HNRNPLL: variants seen among roughly 807,000 people sequenced by gnomAD.
HNRNPLL encodes heterogeneous nuclear ribonucleoprotein L-like.
In HNRNPLL, 25 loss-of-function variants were observed where a neutral mutation model predicts 67.1. The ratio of observed to expected loss-of-function variants is 0.37; its 90% CI spans 0.27 to 0.52. HNRNPLL has a LOEUF of 0.52. HNRNPLL is among the 20% of genes least tolerant of loss of function. HNRNPLL has a pLI of 0.90. For synonymous variants in HNRNPLL, 267 were observed against 241.7 expected (o/e 1.10, Z -0.97); for missense variants, 542 against 673.9 (o/e 0.80, Z 2.17).
At chr2:38,588,038 G>A (rs1005641069) in intron 2 of HNRNPLL, among the ~76,000 whole-genome samples, 1 of 151,698 alleles carries the variant, frequency 6.6e-6, no homozygotes, top group Admixed American at 6.6e-5. Flanking sequence ...TTCACCTTTT[G>A]CCATGATTCT....
In HNRNPLL at chr2:38,562,786, A is replaced by G. The variant is rs1426955487; in HGVS notation, c.*1396T>C. ...CACTGCCATCAAAATGAGGGGAAAT[A>G]AATGTTAATGTGTGTTTAGTTTCCA... On this transcript the variant is annotated 3_prime_UTR_variant, in exon 13 of 13. Transcript: ENST00000449105. 1 of 152,098 alleles carries G rather than the reference A, an allele frequency of 6.6e-6. No homozygotes were observed. The highest frequency in any genetic ancestry group is 2.4e-5 in the African/African-American group (1 of 41,456). 9.4% of individuals were successfully genotyped at this position (152,098 alleles called of 1,614,324 possible).
chr2:38,594,514 A>G (rs1343291207), intron 1 of HNRNPLL, among the ~76,000 whole-genome samples: 1 of 152,254 alleles, frequency 6.6e-6, no homozygotes, highest in Non-Finnish European at 1.5e-5. Context: ...ATGTAGAGAA[A>G]AAAACCCTAC....
Position 38,602,730 on chromosome 2 carries a change from C to A in HNRNPLL, c.-104G>T. On this transcript the variant is annotated 5_prime_UTR_variant, in exon 1 of 13. Coordinates refer to ENST00000449105, the MANE Select transcript of HNRNPLL (RefSeq NM_138394.4). ...CTCGCCGCCGGCAGCGCCTCTTCTG[C>A]GAGGGTCTCCGCGGCCCGGCCGTCC... 1.3e-6 allele frequency: 2 copies of A among 1,484,180 alleles called. No individual in the cohort carries two copies. The highest frequency in any genetic ancestry group is 1.5e-5 in the African/African-American group (1 of 68,192). 91.9% of individuals were successfully genotyped at this position (1,484,180 alleles called of 1,614,324 possible). A position where few individuals can be genotyped will look rare whatever the true frequency, so the allele number is the denominator to read the frequency against.
intron 2 of HNRNPLL, 137 bp downstream of exon 2, chr2:38,591,393 C>T: frequency 1.5e-6 from 1 of 650,812 alleles, no homozygotes; most frequent in South Asian, 1.9e-5. Flanking sequence ...GAAATACAGT[C>T]ATAGGCAAAC....
At chr2:38,594,045 G>A (rs1647927148) in intron 1 of HNRNPLL, among the ~76,000 whole-genome samples, 1 of 151,402 alleles carries the variant, frequency 6.6e-6, no homozygotes, top group African/African-American at 2.4e-5. Flanking sequence ...CATGGTGGCA[G>A]GTGCCTGTAG....
At chr2:38,595,723 A>G (rs922794804) in intron 1 of HNRNPLL, among the ~76,000 whole-genome samples, 31 of 152,210 alleles carry the variant, frequency 2.0e-4, no homozygotes, top group South Asian at 4.1e-4. Flanking sequence ...GGGCACCTGT[A>G]GTCCCAGCTA....
chr2:38,581,540 C>G (rs1021461202), intron 6 of HNRNPLL: 2 of 290,064 alleles, frequency 6.9e-6, no homozygotes, highest in Admixed American at 4.8e-5. Flanking sequence ...CTTAATGCCT[C>G]GTCCAGCTTG....
At position 38,568,179 on chromosome 2, in the gene HNRNPLL, A is replaced by T; in HGVS notation, c.1573+20T>A. 6.7e-7 allele frequency: 1 copy of T among 1,496,656 alleles called. No homozygotes were observed. The allele number at this position is 1,496,656 out of a possible 1,614,324, so 92.7% of individuals were successfully genotyped here. ...AACTGCCACTACATAATTACAACAC[A>T]AATAAAGCATTTTACTTACTCGGCA... On this transcript the variant is annotated intron_variant, in intron 12 of 12. Coordinates refer to ENST00000449105, the MANE Select transcript of HNRNPLL (RefSeq NM_138394.4).
At chr2:38,602,133 G>C in intron 1 of HNRNPLL, 1 of 395,028 alleles carries the variant, frequency 2.5e-6, no homozygotes, top group Non-Finnish European at 4.5e-6. Flanking sequence ...CCCGAGCCGC[G>C]AAACCCCCCA....
chr2:38,566,344 G>A (rs2148333380), intron 12 of HNRNPLL: 1 of 148,196 alleles, frequency 6.7e-6, no homozygotes, highest in East Asian at 2.0e-4. Context: ...CTACAGTCTG[G>A]GGGACAGAGC....
intron 7 of HNRNPLL, 43 bp downstream of exon 7, chr2:38,577,418 A>C (rs1666341012): frequency 3.4e-6 from 4 of 1,189,726 alleles, no homozygotes; most frequent in Non-Finnish European, 5.0e-6. Context: ...CAGCAAGTCA[A>C]ACAGTTCATC....
intron 2 of HNRNPLL, among the ~76,000 whole-genome samples, chr2:38,586,196 T>C (rs1268856805): frequency 1.3e-5 from 2 of 152,140 alleles, no homozygotes; most frequent in Non-Finnish European, 1.5e-5. Flanking sequence ...TGATTTTTTA[T>C]ACTTTCAGTA....
chr2:38,587,666 CAAAA>C (rs754597775), intron 2 of HNRNPLL, among the ~76,000 whole-genome samples: 12 of 152,048 alleles, frequency 7.9e-5, no homozygotes, highest in Non-Finnish European at 1.5e-4. Flanking sequence ...TTTCACAAAA[CAAAA>C]AAGTTGGTTT....
In HNRNPLL at chr2:38,584,443, T is replaced by C. The variant is rs116227301; in HGVS notation, c.547-517A>G. Among the ~76,000 whole-genome samples, 455 of 152,340 alleles carry C rather than the reference T, an allele frequency of 3.0e-3. 5 individuals are homozygous for C. The highest frequency in any genetic ancestry group is 0.01 in the African/African-American group (431 of 41,586). ...CATTAAAGAAGTTCCAATGGAACATTTGGAAAGCACTGTCACCTATTTTAT... is the reference window on the plus strand; with the variant it reads ...CATTAAAGAAGTTCCAATGGAACATCTGGAAAGCACTGTCACCTATTTTAT... On this transcript the variant is annotated intron_variant, in intron 3 of 12. Coordinates refer to ENST00000449105, the MANE Select transcript of HNRNPLL (RefSeq NM_138394.4).
rs116279621 is a variant in HNRNPLL at position 38,573,549 on chromosome 2, T to A, written c.875-122A>T. On this transcript the variant is annotated intron_variant, in intron 7 of 12. Coordinates refer to ENST00000449105, the MANE Select transcript of HNRNPLL (RefSeq NM_138394.4). Reference sequence around the variant, plus strand: ...ACTCTTAATATTAGCTAGTTTGATGTACAAAGAAAACTCAAATGTATGAAT... The same window carrying A: ...ACTCTTAATATTAGCTAGTTTGATGAACAAAGAAAACTCAAATGTATGAAT... The A allele has an allele frequency of 1.5e-3, 1,001 of 666,616 alleles. 9 individuals carry two copies. In the African/African-American group the frequency reaches 0.017, roughly 11 times the overall value. The allele number at this position is 666,616 out of a possible 1,614,324, so 41.3% of individuals were successfully genotyped here.
At chr2:38,571,379 G>A (rs914724784) in intron 8 of HNRNPLL, among the ~76,000 whole-genome samples, 1 of 152,106 alleles carries the variant, frequency 6.6e-6, no homozygotes, top group Non-Finnish European at 1.5e-5. Context: ...TGTGGATAAG[G>A]GAGGACTCCT....
At position 38,595,106 on chromosome 2, in the gene HNRNPLL, C is replaced by T. The variant is rs368859082; in HGVS notation, c.190-3458G>A. On this transcript the variant is annotated intron_variant, in intron 1 of 12. Coordinates refer to ENST00000449105, the MANE Select transcript of HNRNPLL (RefSeq NM_138394.4). ...CTAGCCTGGGCAACATGGCAAAACCCCGTCTTTAGCAAAAAAACAAAACAT... is the reference window on the plus strand; with the variant it reads ...CTAGCCTGGGCAACATGGCAAAACCTCGTCTTTAGCAAAAAAACAAAACAT... 4.6e-5 allele frequency among the ~76,000 whole-genome samples: 7 copies of T among 151,368 alleles called. No individual in the cohort carries two copies. The East Asian group carries it at 1.4e-3, about 30-fold the overall frequency.
intron 2 of HNRNPLL, among the ~76,000 whole-genome samples, chr2:38,586,100 C>T (rs1666721512): frequency 6.6e-6 from 1 of 151,904 alleles, no homozygotes; most frequent in Admixed American, 6.6e-5. Flanking sequence ...AGGCTCACTG[C>T]AAGCTCCGCC....
chr2:38,567,713 T>C (rs757486475), intron 12 of HNRNPLL, among the ~76,000 whole-genome samples: 9 of 152,312 alleles, frequency 5.9e-5, no homozygotes, highest in Middle Eastern at 6.8e-3. Flanking sequence ...AGTGATGGTA[T>C]GCCACTTCCA....
Sources: allele counts gnomAD v4.1 joint callset (sites outside exome capture counted in the v4.1 genomes callset), GRCh38; gene constraint gnomAD v4.1.1; transcripts MANE v1.5; gene names NCBI Gene and HGNC (gene_info 2026-07-23, HGNC 2026-07-21).